IRAK2: variants seen among roughly 807,000 people sequenced by gnomAD.
The protein encoded by IRAK2 is interleukin-1 receptor-associated kinase-like 2.
Under a neutral mutation model 72.0 loss-of-function variants are expected in IRAK2, and 57 were observed. That is an observed-to-expected ratio of 0.79 (90% confidence interval 0.64 to 0.99). IRAK2 has a LOEUF of 0.99. Among genes scored for constraint, IRAK2 ranks in the 50% least tolerant of loss-of-function variants. The pLI is 0.00. For missense variants in IRAK2, 790 were observed against 794.4 expected (o/e 0.99, Z 0.07); for synonymous variants, 293 against 312.7 (o/e 0.94, Z 0.67).
In IRAK2 at chr3:10,177,826, C is replaced by T. The variant is rs1711109; in HGVS notation, c.95-12C>T. On this transcript the variant is annotated splice_polypyrimidine_tract_variant and intron_variant, in intron 1 of 12. Transcript: ENST00000256458. ...CTCTGACTCTAAGCAGAGTTCTCTC[C>T]GTCCCTTCCAGCCTCCTACGTGATC... The T allele has an allele frequency of 0.34, 547,626 of 1,608,594 alleles. 103,122 individuals are homozygous for T. The highest frequency in any genetic ancestry group is 0.39 in the Non-Finnish European group (456,102 of 1,178,534).
At chr3:10,241,903 G>A (rs1457041019) in intron 12 of IRAK2, among the ~76,000 whole-genome samples, 2 of 148,886 alleles carry the variant, frequency 1.3e-5, no homozygotes, top group African/African-American at 5.0e-5. Context: ...AACCTGTGAG[G>A]TCAAGGTTGC....
Position 10,206,270 on chromosome 3 carries a change from A to G in IRAK2, c.425-3319A>G, listed in dbSNP as rs553915257. On this transcript the variant is annotated intron_variant, in intron 3 of 12. Coordinates refer to ENST00000256458, the MANE Select transcript of IRAK2 (RefSeq NM_001570.4). Reference sequence around the variant, plus strand: ...ACCCTCTGCACACAGTGCCTGGGGAACAGCCCCTGGGAAGCATGGTCCGGA... The same window carrying G: ...ACCCTCTGCACACAGTGCCTGGGGAGCAGCCCCTGGGAAGCATGGTCCGGA... Among the ~76,000 whole-genome samples the G allele has an allele frequency of 7.2e-5, 11 of 152,246 alleles. No individual in the cohort carries two copies. In the South Asian group the frequency reaches 2.3e-3, roughly 32 times the overall value.
At chr3:10,211,909 C>T (rs1697527803) in intron 4 of IRAK2, among the ~76,000 whole-genome samples, 1 of 151,928 alleles carries the variant, frequency 6.6e-6, no homozygotes, top group Admixed American at 6.6e-5. Context: ...GGCCTCATCT[C>T]TACTAAAAAA....
chr3:10,190,216 A>G (rs565949154), intron 2 of IRAK2, among the ~76,000 whole-genome samples: 97 of 146,226 alleles, frequency 6.6e-4, no homozygotes, highest in Admixed American at 1.7e-3. Context: ...ACATTGCCCT[A>G]TCTACTTTTC....
intron 2 of IRAK2, among the ~76,000 whole-genome samples, chr3:10,192,264 T>C (rs565003772): frequency 8.5e-5 from 13 of 152,218 alleles, no homozygotes; most frequent in Non-Finnish European, 1.9e-4. Context: ...AACAAATTAC[T>C]GTGTAGTTTG....
chr3:10,227,675 G>GTTTTTTT (rs561705376), intron 10 of IRAK2, among the ~76,000 whole-genome samples: 1 of 147,414 alleles, frequency 6.8e-6, no homozygotes, highest in African/African-American at 2.5e-5. Flanking sequence ...TTTTTTTTTT[G>GTTTTTTT]TTTTTGTTTT....
chr3:10,165,084 G>T (rs754934207), intron 1 of IRAK2, 36 bp downstream of exon 1: 1 of 1,552,372 alleles, frequency 6.4e-7, no homozygotes, highest in Non-Finnish European at 8.8e-7. Flanking sequence ...GGACCAGGGC[G>T]ACCGGAGCCC....
At chr3:10,220,826 C>T (rs984179447) in intron 8 of IRAK2, among the ~76,000 whole-genome samples, 6 of 152,114 alleles carry the variant, frequency 3.9e-5, no homozygotes, top group Non-Finnish European at 7.4e-5. Context: ...CACTAACCTA[C>T]CCCATGACTC....
rs556837253 is a variant in IRAK2, at chr3:10,195,793, C to T, written c.278-4576C>T. On this transcript the variant is annotated intron_variant, in intron 2 of 12. Coordinates refer to ENST00000256458, the MANE Select transcript of IRAK2 (RefSeq NM_001570.4). ...TGTTGGGAAGTGACTTCAGCGAGCC[C>T]AGCCGGCCCTGAGCCAGGGGAGCCA... Among the ~76,000 whole-genome samples the T allele has an allele frequency of 1.8e-4, 28 of 152,262 alleles. 1 individual carries two copies. The South Asian group carries it at 4.8e-3, about 26-fold the overall frequency.
intron 1 of IRAK2, among the ~76,000 whole-genome samples, chr3:10,176,714 C>T (rs9823433): frequency 0.71 from 107,890 of 151,406 alleles, 39,242 homozygotes; most frequent in Non-Finnish European, 0.77. Context: ...CCTGACCTTG[C>T]GATCTGCCCG....
chr3:10,185,110 C>T (rs1357282686), intron 2 of IRAK2, among the ~76,000 whole-genome samples: 1 of 151,242 alleles, frequency 6.6e-6, no homozygotes, highest in Non-Finnish European at 1.5e-5. Flanking sequence ...ATCTGTGATT[C>T]GCGAAGCATC....
At chr3:10,208,710 C>G (rs1697470231) in intron 3 of IRAK2, among the ~76,000 whole-genome samples, 1 of 151,698 alleles carries the variant, frequency 6.6e-6, no homozygotes, top group Non-Finnish European at 1.5e-5. Flanking sequence ...TTGCAGTGAG[C>G]CGAGATTGTG....
intron 3 of IRAK2, among the ~76,000 whole-genome samples, chr3:10,208,568 C>T (rs1697466637): frequency 6.6e-6 from 1 of 151,760 alleles, no homozygotes; most frequent in African/African-American, 2.4e-5. Context: ...TCGAGACCAT[C>T]CTGGCTAACA....
intron 1 of IRAK2, among the ~76,000 whole-genome samples, chr3:10,168,366 G>A (rs1383877966): frequency 2.6e-5 from 4 of 151,804 alleles, no homozygotes; most frequent in East Asian, 1.9e-4. Flanking sequence ...ATGCACCACC[G>A]TGCCTGACTA....
At chr3:10,229,698 T>C (rs1450836424) in intron 10 of IRAK2, among the ~76,000 whole-genome samples, 1 of 152,204 alleles carries the variant, frequency 6.6e-6, no homozygotes, top group Non-Finnish European at 1.5e-5. Context: ...GAGTATTCCA[T>C]TGTATGGATA....
intron 2 of IRAK2, among the ~76,000 whole-genome samples, chr3:10,179,569 G>A (rs1358588602): frequency 1.3e-5 from 2 of 151,952 alleles, no homozygotes; most frequent in East Asian, 3.9e-4. Flanking sequence ...GAGTAGCTGG[G>A]ACCACAGATA....
chr3:10,234,747 C>T, intron 11 of IRAK2, 88 bp downstream of exon 11: 1 of 1,167,450 alleles, frequency 8.6e-7, no homozygotes, highest in Non-Finnish European at 1.2e-6. Flanking sequence ...GCCTGGTGCA[C>T]AAACCAGGGT....
At chr3:10,165,768 T>TC (rs1291062743) in intron 1 of IRAK2, among the ~76,000 whole-genome samples, 1 of 140,814 alleles carries the variant, frequency 7.1e-6, no homozygotes, top group Non-Finnish European at 1.5e-5. Flanking sequence ...TCTCACTCTG[T>TC]CGCCCAGGCT....
At chr3:10,169,237 C>A (rs921443518) in intron 1 of IRAK2, among the ~76,000 whole-genome samples, 1 of 152,130 alleles carries the variant, frequency 6.6e-6, no homozygotes, top group Non-Finnish European at 1.5e-5. Flanking sequence ...GGTCCATGTC[C>A]CACTGGGCAC....
Sources: gnomAD v4.1 joint callset for allele counts (sites outside exome capture counted in the v4.1 genomes callset) on GRCh38, gnomAD v4.1.1 for gene constraint, MANE v1.5 for transcripts, NCBI Gene and HGNC (gene_info 2026-07-23, HGNC 2026-07-21) for gene names.